DAW1: variants seen among roughly 807,000 people sequenced by gnomAD.
DAW1 encodes the protein dynein assembly factor with WD repeat domains 1.
DAW1 carries 47 observed loss-of-function variants against 56.5 expected under a neutral mutation model. That is an observed-to-expected ratio of 0.83 (90% CI 0.66 to 1.06). The LOEUF (loss-of-function observed/expected upper bound fraction) is 1.06. DAW1 is among the 50% of genes least tolerant of loss of function. DAW1 has a pLI of 0.00. For synonymous variants in DAW1, 190 were observed against 179.0 expected (o/e 1.06, Z -0.49); for missense variants, 505 against 499.3 (o/e 1.01, Z -0.11).
intron 6 of DAW1, among the ~76,000 whole-genome samples, chr2:227,902,339 G>A (rs1488242367): frequency 6.6e-6 from 1 of 152,162 alleles, no homozygotes; most frequent in Non-Finnish European, 1.5e-5. Context: ...AGGATACTGG[G>A]AGGAGTGATG....
intron 7 of DAW1, 98 bp from the exon 8 acceptor site, chr2:227,904,831 C>A: frequency 8.7e-7 from 1 of 1,152,790 alleles, no homozygotes; most frequent in Non-Finnish European, 1.2e-6. Flanking sequence ...TCCTAGAGCT[C>A]GGCCTTCTCC....
At chr2:227,905,229 T>C (rs1051696464) in intron 8 of DAW1, among the ~76,000 whole-genome samples, 194 bp downstream of exon 8, 2 of 152,252 alleles carry the variant, frequency 1.3e-5, no homozygotes, top group African/African-American at 4.8e-5. Flanking sequence ...CTTTGAATTC[T>C]GAGCAAATAA....
At chr2:227,883,879 A>T (rs1438432372) in intron 1 of DAW1, among the ~76,000 whole-genome samples, 2 of 151,756 alleles carry the variant, frequency 1.3e-5, no homozygotes, top group Admixed American at 6.6e-5. Flanking sequence ...ATAAATATTT[A>T]AAAAATTTCT....
intron 10 of DAW1, among the ~76,000 whole-genome samples, chr2:227,911,776 T>G (rs1467425708): frequency 6.6e-6 from 1 of 152,202 alleles, no homozygotes; most frequent in African/African-American, 2.4e-5. Flanking sequence ...CTGTATCATC[T>G]TTCTGACTAC....
chr2:227,908,913 G>A (rs1243035817), intron 10 of DAW1, among the ~76,000 whole-genome samples: 2 of 152,086 alleles, frequency 1.3e-5, no homozygotes, highest in Admixed American at 6.6e-5. Flanking sequence ...AAACTACATC[G>A]ATACCATCTA....
At chr2:227,902,407 A>G (rs533817796) in intron 6 of DAW1, among the ~76,000 whole-genome samples, 121 of 152,246 alleles carry the variant, frequency 7.9e-4, no homozygotes, top group African/African-American at 2.8e-3. Flanking sequence ...AGATGTCTCA[A>G]TGAGATGAAA....
chr2:227,885,446 C>A, intron 2 of DAW1, 23 bp downstream of exon 2: 2 of 1,566,642 alleles, frequency 1.3e-6, no homozygotes, highest in African/African-American at 1.4e-5. Context: ...TAGGATTCAA[C>A]AAATAAATGT....
Position 227,903,047 on chromosome 2 carries a change from A to T in DAW1, c.586A>T (p.Ser196Cys). The T allele has an allele frequency of 1.2e-6, 2 of 1,614,218 alleles. No individual in the cohort carries two copies. Among genetic ancestry groups the T allele is most frequent in the Non-Finnish European group, 1.7e-6 (2 of 1,180,034 alleles). Residue 196 changes from serine (S) to cysteine (C), a missense_variant, in exon 7 of 13, where the codon AGT (serine) becomes TGT (cysteine). Ser to Cys is a moderately radical substitution (Grantham distance 112). Coordinates refer to ENST00000309931, the MANE Select transcript of DAW1 (RefSeq NM_178821.3). ...TCAAAGCACATTGGTGGCGACTGGA[A>T]GTATGGACACAACAGCCAAATTGTG... ...NPQSTLVATG[S>C]MDTTAKLWDI...
chr2:227,885,499 C>A, intron 2 of DAW1, 76 bp downstream of exon 2: 2 of 1,060,438 alleles, frequency 1.9e-6, no homozygotes, highest in Non-Finnish European at 2.7e-6. Flanking sequence ...GGATGAGCTG[C>A]ATAAACTGCA....
At chr2:227,894,441 A>G (rs1163923168) in intron 5 of DAW1, among the ~76,000 whole-genome samples, 1 of 152,116 alleles carries the variant, frequency 6.6e-6, no homozygotes, top group Non-Finnish European at 1.5e-5. Flanking sequence ...CAAGGTTCAA[A>G]TATGCTTCCA....
At chr2:227,891,337 A>G (rs767822902) in intron 4 of DAW1, 24 bp downstream of exon 4, 14 of 1,599,034 alleles carry the variant, frequency 8.8e-6, no homozygotes, top group Admixed American at 1.7e-5. Flanking sequence ...TTTATGTCTA[A>G]TTTTTAGCAG....
intron 10 of DAW1, among the ~76,000 whole-genome samples, chr2:227,916,594 C>T (rs1691957216): frequency 6.6e-6 from 1 of 152,110 alleles, no homozygotes; most frequent in Non-Finnish European, 1.5e-5. Flanking sequence ...GCATCATCTT[C>T]TAGAAAATTA....
intron 1 of DAW1, among the ~76,000 whole-genome samples, chr2:227,884,020 G>C (rs1296649579): frequency 6.6e-6 from 1 of 152,186 alleles, no homozygotes; most frequent in African/African-American, 2.4e-5. Flanking sequence ...AGAGGCAGTA[G>C]AGTAAGGTGG....
chr2:227,917,208 C>G (rs555366862), intron 10 of DAW1, among the ~76,000 whole-genome samples: 2 of 151,662 alleles, frequency 1.3e-5, no homozygotes, highest in Non-Finnish European at 1.5e-5. Flanking sequence ...ATCTATCGAT[C>G]GATCTATCTA....
At chr2:227,904,800 C>T (rs1691641188) in intron 7 of DAW1, 129 bp from the exon 8 acceptor site, 2 of 767,982 alleles carry the variant, frequency 2.6e-6, no homozygotes, top group Non-Finnish European at 4.1e-6. Context: ...ATCCTCACCC[C>T]AGCCAACCGC....
In DAW1 at chr2:227,898,194, C is replaced by T; in HGVS notation, c.453C>T (p.Ala151=). ...AFNNPYGDKI[A]TGSFDKTCKL... ...TTTTAAATCTTAGTGACAAAATCGC[C>T]ACTGGGTCCTTTGATAAAACTTGTA... The change falls in exon 6 of 13, where the codon GCC becomes GCT. Residue 151 remains alanine (A), a synonymous_variant. Coordinates refer to ENST00000309931, the MANE Select transcript of DAW1 (RefSeq NM_178821.3). 3.8e-6 allele frequency: 6 copies of T among 1,570,588 alleles called. No homozygotes were observed. Among genetic ancestry groups the T allele is most frequent in the Non-Finnish European group, 5.2e-6 (6 of 1,155,896 alleles).
intron 10 of DAW1, among the ~76,000 whole-genome samples, chr2:227,907,480 T>C (rs1310318242): frequency 6.6e-6 from 1 of 152,214 alleles, no homozygotes; most frequent in Non-Finnish European, 1.5e-5. Context: ...TAACGAGGTA[T>C]ATGAGGTCTT....
chr2:227,917,857 G>A (rs113608560), intron 10 of DAW1, among the ~76,000 whole-genome samples: 5 of 152,040 alleles, frequency 3.3e-5, no homozygotes, highest in African/African-American at 1.2e-4. Context: ...TTGTCAGAAA[G>A]GCAAGTAAAA....
intron 8 of DAW1, among the ~76,000 whole-genome samples, 192 bp from the exon 9 acceptor site, chr2:227,906,044 C>T (rs1691671521): frequency 6.6e-6 from 1 of 152,100 alleles, no homozygotes; most frequent in Non-Finnish European, 1.5e-5. Context: ...CGTGAGCCAC[C>T]GTGCCCGGCT....
Sources: allele counts gnomAD v4.1 joint callset (sites outside exome capture counted in the v4.1 genomes callset), GRCh38; gene constraint gnomAD v4.1.1; transcripts MANE v1.5; gene names NCBI Gene and HGNC (gene_info 2026-07-23, HGNC 2026-07-21).